TNFRSF21: variants seen among roughly 807,000 people sequenced by gnomAD.
TNFRSF21 encodes the protein TNF receptor superfamily member 21.
TNFRSF21 carries 19 observed loss-of-function variants against 45.6 expected under a neutral mutation model. That is an observed-to-expected ratio of 0.42 (90% CI 0.29 to 0.61). The LOEUF (loss-of-function observed/expected upper bound fraction) is 0.61. Ranked by LOEUF, TNFRSF21 falls within the 20% of genes least tolerant of loss-of-function variation. The pLI is 0.23. For synonymous variants in TNFRSF21, 314 were observed against 335.5 expected, an observed-to-expected ratio of 0.94 and a Z score of 0.70; for missense variants, 737 against 851.5, an observed-to-expected ratio of 0.87 and a Z score of 1.67.
At chr6:47,287,549 G>C (rs1401980097) in intron 1 of TNFRSF21, among the ~76,000 whole-genome samples, 1 of 151,816 alleles carries the variant, frequency 6.6e-6, no homozygotes, top group Non-Finnish European at 1.5e-5. Flanking sequence ...ACTTTGTTTA[G>C]CTTAGTTCTA....
At chr6:47,306,379 G>A (rs1762939427) in intron 1 of TNFRSF21, among the ~76,000 whole-genome samples, 2 of 152,216 alleles carry the variant, frequency 1.3e-5, no homozygotes, top group Admixed American at 1.3e-4. Flanking sequence ...CACGCAGTGT[G>A]GCACAGGGCT....
At chr6:47,277,446 G>A (rs140195386) in intron 3 of TNFRSF21, among the ~76,000 whole-genome samples, 1 of 152,280 alleles carries the variant, frequency 6.6e-6, no homozygotes, top group Non-Finnish European at 1.5e-5. Flanking sequence ...CATCTCCAGC[G>A]TTTGCACCCT....
chr6:47,240,705 G>C (rs913002324), intron 4 of TNFRSF21, among the ~76,000 whole-genome samples: 1 of 152,178 alleles, frequency 6.6e-6, no homozygotes, highest in Non-Finnish European at 1.5e-5. Flanking sequence ...GTGGGTAGAG[G>C]TTGAGATCTG....
chr6:47,251,745 C>T (rs1764904327), intron 4 of TNFRSF21, among the ~76,000 whole-genome samples: 1 of 152,224 alleles, frequency 6.6e-6, no homozygotes. Context: ...TCTAAACTCC[C>T]TGTATTCAAA....
chr6:47,294,271 G>A (rs541746471), intron 1 of TNFRSF21, among the ~76,000 whole-genome samples: 1 of 152,130 alleles, frequency 6.6e-6, no homozygotes, highest in Non-Finnish European at 1.5e-5. Flanking sequence ...AGCCTCCTGA[G>A]TAGCTGGGAC....
intron 1 of TNFRSF21, among the ~76,000 whole-genome samples, chr6:47,295,700 G>A (rs1762781436): frequency 6.6e-6 from 1 of 152,116 alleles, no homozygotes; most frequent in South Asian, 2.1e-4. Context: ...AAAAAGGAAT[G>A]CACAAAGAGG....
intron 4 of TNFRSF21, among the ~76,000 whole-genome samples, chr6:47,237,347 T>A (rs1176345001): frequency 6.6e-6 from 1 of 152,204 alleles, no homozygotes; most frequent in African/African-American, 2.4e-5. Flanking sequence ...ATATACAATA[T>A]CCATCAAAGC....
chr6:47,253,131 C>CGT (rs112989391), intron 4 of TNFRSF21, 125 bp downstream of exon 4: 132,394 of 1,013,538 alleles, frequency 0.13, 5,374 homozygotes, highest in East Asian at 0.42. Context: ...CAGGCGTATG[C>CGT]GTGTGTGTGT....
intron 3 of TNFRSF21, 53 bp downstream of exon 3, chr6:47,283,885 G>A: frequency 6.4e-7 from 1 of 1,560,534 alleles, no homozygotes; most frequent in Non-Finnish European, 8.6e-7. Flanking sequence ...ACAGGGACTA[G>A]GGAAAAAGTG....
At position 47,253,289 on chromosome 6, in the gene TNFRSF21, C is replaced by T. The variant is rs149006013; in HGVS notation, c.1476G>A (p.Glu492=). The change falls in exon 4 of 6, where the codon GAG becomes GAA. Residue 492 remains glutamate, a synonymous_variant. Coordinates refer to ENST00000296861, the MANE Select transcript of TNFRSF21 (RefSeq NM_014452.5). ...TGTCTTCCATCAGCCCACGAATCTT[C>T]TCCACAACATCGTTTCTCCGGTGCT... The part of the protein sequence containing the change: ...LRQHRRNDVV[E]KIRGLMEDTT... The T allele has an allele frequency of 9.0e-5, 146 of 1,613,714 alleles. 1 individual carries two copies. Among genetic ancestry groups the T allele is most frequent in the Middle Eastern group, 5.0e-4 (3 of 6,060 alleles).
At chr6:47,254,930 C>T (rs997471123) in intron 3 of TNFRSF21, among the ~76,000 whole-genome samples, 2 of 152,136 alleles carry the variant, frequency 1.3e-5, no homozygotes, top group African/African-American at 4.8e-5. Flanking sequence ...CCCAGTATCA[C>T]AAAGGTAGGT....
chr6:47,271,253 G>C (rs1293971708), intron 3 of TNFRSF21, among the ~76,000 whole-genome samples: 1 of 152,148 alleles, frequency 6.6e-6, no homozygotes, highest in Non-Finnish European at 1.5e-5. Context: ...AGTGTTAAGG[G>C]GAGCCAGAGA....
At chr6:47,257,616 T>G (rs1720825641) in intron 3 of TNFRSF21, among the ~76,000 whole-genome samples, 1 of 152,196 alleles carries the variant, frequency 6.6e-6, no homozygotes, top group Non-Finnish European at 1.5e-5. Context: ...TTTGCCAAAT[T>G]GAGATAGTTA....
chr6:47,270,346 T>A (rs966056343), intron 3 of TNFRSF21, among the ~76,000 whole-genome samples: 157 of 152,120 alleles, frequency 1.0e-3, no homozygotes, highest in Non-Finnish European at 6.9e-4. Context: ...TTCTGCAACA[T>A]CCACTGGTGA....
intron 4 of TNFRSF21, among the ~76,000 whole-genome samples, chr6:47,238,140 T>C (rs1226535816): frequency 1.3e-5 from 2 of 152,366 alleles, no homozygotes; most frequent in Non-Finnish European, 2.9e-5. Context: ...CCGATAAGTA[T>C]ATTTTCCTTC....
chr6:47,270,458 A>T (rs969411723), intron 3 of TNFRSF21, among the ~76,000 whole-genome samples: 4 of 152,172 alleles, frequency 2.6e-5, no homozygotes, highest in Non-Finnish European at 5.9e-5. Context: ...ACAGAAATGA[A>T]TAGCATCAAC....
At chr6:47,233,249 T>C (rs1297660215) in intron 5 of TNFRSF21, among the ~76,000 whole-genome samples, 1 of 152,260 alleles carries the variant, frequency 6.6e-6, no homozygotes, top group African/African-American at 2.4e-5. Flanking sequence ...CTTGCTTGAA[T>C]GGCTTGCTGA....
chr6:47,233,083 G>T, intron 5 of TNFRSF21, 89 bp from the exon 6 acceptor site: 3 of 1,142,882 alleles, frequency 2.6e-6, no homozygotes. Flanking sequence ...TAGAGAGAGA[G>T]ACATCTATGT....
chr6:47,294,939 A>G (rs1455693656), intron 1 of TNFRSF21, among the ~76,000 whole-genome samples: 1 of 152,350 alleles, frequency 6.6e-6, no homozygotes, highest in South Asian at 2.1e-4. Flanking sequence ...CCTAGTTTAA[A>G]CTTTAGTTAT....
Sources: gnomAD v4.1 joint callset for allele counts (sites outside exome capture counted in the v4.1 genomes callset) on GRCh38, gnomAD v4.1.1 for gene constraint, MANE v1.5 for transcripts, NCBI Gene and HGNC (gene_info 2026-07-23, HGNC 2026-07-21) for gene names.